The following TMEM154 variants were observed in gnomAD, a reference collection of about 807,000 sequenced individuals.
TMEM154 encodes the protein transmembrane protein 154.
A neutral mutation model predicts 24.5 loss-of-function variants in TMEM154; 27 were observed. The ratio of observed to expected loss-of-function variants is 1.10; its 90% CI spans 0.81 to 1.52. The LOEUF (loss-of-function observed/expected upper bound fraction) is 1.52. Ranked by LOEUF, TMEM154 falls within the 40% of genes most tolerant of loss-of-function variation. The pLI is 0.00. For synonymous variants in TMEM154, 67 were observed against 76.8 expected (o/e 0.87, Z 0.67); for missense variants, 228 against 213.4 (o/e 1.07, Z -0.43).
intron 1 of TMEM154, among the ~76,000 whole-genome samples, chr4:152,672,222 A>G (rs977106729): frequency 4.6e-5 from 7 of 152,030 alleles, no homozygotes; most frequent in Admixed American, 3.3e-4. Context: ...GTGCCACTGT[A>G]CTATACAGCC....
At chr4:152,642,497 A>T (rs1752277837) in intron 5 of TMEM154, among the ~76,000 whole-genome samples, 1 of 152,228 alleles carries the variant, frequency 6.6e-6, no homozygotes, top group Admixed American at 6.5e-5. Context: ...TATCAATTGG[A>T]AATTGTTATA....
At chr4:152,676,130 C>G (rs1362539363) in intron 1 of TMEM154, among the ~76,000 whole-genome samples, 1 of 152,184 alleles carries the variant, frequency 6.6e-6, no homozygotes, top group Non-Finnish European at 1.5e-5. Flanking sequence ...TCCCCAGATT[C>G]TCTTGTGCTC....
At chr4:152,629,897 A>G (rs1445741530) in intron 6 of TMEM154, among the ~76,000 whole-genome samples, 2 of 152,208 alleles carry the variant, frequency 1.3e-5, no homozygotes, top group African/African-American at 2.4e-5. Flanking sequence ...GACATTGTGT[A>G]TAGGTTTGTG....
chr4:152,631,135 C>G (rs1054711858), intron 6 of TMEM154, among the ~76,000 whole-genome samples: 10 of 152,172 alleles, frequency 6.6e-5, no homozygotes, highest in African/African-American at 2.2e-4. Context: ...AAATTATATA[C>G]AATTTTAAAG....
intron 6 of TMEM154, among the ~76,000 whole-genome samples, chr4:152,633,231 G>T (rs947852512): frequency 1.3e-5 from 2 of 152,184 alleles, no homozygotes; most frequent in Non-Finnish European, 2.9e-5. Flanking sequence ...ACAGCTCTGT[G>T]GACCGTGAGC....
At chr4:152,632,161 G>A (rs1347794436) in intron 6 of TMEM154, among the ~76,000 whole-genome samples, 2 of 151,886 alleles carry the variant, frequency 1.3e-5, no homozygotes, top group Non-Finnish European at 2.9e-5. Flanking sequence ...TTTCAAACTC[G>A]TTCCCTCCTT....
At position 152,671,746 on chromosome 4, in the gene TMEM154, CAAAAAAAAAAAAAA is replaced by C. The variant is rs10670541; in HGVS notation, c.64+8110_64+8123del. The stretch of plus-strand genomic sequence containing the variant: ...TGGGCGACAGAGCGAGACTCCGTCT[CAAAAAAAAAAAAAA>C]AAAAAAAAGAAAAGAAAATAGCCTA... On this transcript the variant is annotated intron_variant, in intron 1 of 6. Transcript: ENST00000304385. Among the ~76,000 whole-genome samples, 13 of 66,756 alleles carry C rather than the reference CAAAAAAAAAAAAAA, an allele frequency of 1.9e-4. No homozygotes were observed. In the Admixed American group the frequency reaches 2.6e-3, roughly 13 times the overall value. The allele number at this position is 66,756 out of a possible 152,430, so 43.8% of individuals were successfully genotyped here. A position where few individuals can be genotyped will look rare whatever the true frequency, so the allele number is the denominator to read the frequency against.
intron 1 of TMEM154, among the ~76,000 whole-genome samples, chr4:152,673,647 C>T (rs1027822452): frequency 2.0e-5 from 3 of 152,178 alleles, no homozygotes; most frequent in Non-Finnish European, 2.9e-5. Flanking sequence ...ACTTTTGATA[C>T]ATTTGGCTTG....
At position 152,660,379 on chromosome 4, in the gene TMEM154, C is replaced by CCG. The variant is rs567415345; in HGVS notation, c.65-7453_65-7452insCG. ...CTTCCTTGAGTATCCAGACCCCGCC[C>CCG]CCCCCTCACTTTACTTCTTTTGGTT... On this transcript the variant is annotated intron_variant, in intron 1 of 6. Coordinates refer to ENST00000304385, the MANE Select transcript of TMEM154 (RefSeq NM_152680.3). Among the ~76,000 whole-genome samples, 198 of 151,328 alleles carry CCG rather than the reference C, an allele frequency of 1.3e-3. 1 individual carries two copies. Among genetic ancestry groups the CCG allele is most frequent in the African/African-American group, 4.5e-3 (185 of 40,732 alleles).
At chr4:152,677,071 G>C (rs1728964033) in intron 1 of TMEM154, among the ~76,000 whole-genome samples, 1 of 152,172 alleles carries the variant, frequency 6.6e-6, no homozygotes. Flanking sequence ...ACATCTCCTT[G>C]AGTTTGAACT....
chr4:152,679,738 T>A (rs1729022774), intron 1 of TMEM154, 132 bp downstream of exon 1: 7 of 1,357,284 alleles, frequency 5.2e-6, no homozygotes, highest in Non-Finnish European at 7.2e-6. Context: ...GAGTTCTAAT[T>A]TTCTCCACTT....
intron 6 of TMEM154, among the ~76,000 whole-genome samples, chr4:152,629,316 G>C (rs917962266): frequency 6.6e-6 from 1 of 152,160 alleles, no homozygotes. Flanking sequence ...TCAATAGCCC[G>C]TTTTGTTCAT....
intron 6 of TMEM154, among the ~76,000 whole-genome samples, 171 bp downstream of exon 6, chr4:152,640,757 A>G (rs1209898239): frequency 6.6e-6 from 1 of 152,116 alleles, no homozygotes; most frequent in Non-Finnish European, 1.5e-5. Flanking sequence ...GTGGCCTTCT[A>G]TTTTCTGTAA....
At position 152,627,061 on chromosome 4, in the gene TMEM154, T is replaced by C. The variant is rs768035122; in HGVS notation, c.*1485A>G. 5 of 152,232 alleles carry C rather than the reference T, an allele frequency of 3.3e-5. No homozygotes were observed. Among genetic ancestry groups the C allele is most frequent in the Admixed American group, 2.6e-4 (4 of 15,278 alleles). The allele number at this position is 152,232 out of a possible 1,614,324, so 9.4% of individuals were successfully genotyped here. On this transcript the variant is annotated 3_prime_UTR_variant, in exon 7 of 7. Transcript: ENST00000304385. ...CAGTCCCAGGATAGCGTGATAGCAG[T>C]GGTTAAACACAACCAGCTAGTTATA...
intron 1 of TMEM154, among the ~76,000 whole-genome samples, chr4:152,667,745 C>T (rs949301053): frequency 1.3e-5 from 2 of 152,212 alleles, no homozygotes; most frequent in African/African-American, 4.8e-5. Flanking sequence ...GTGTTTTGTA[C>T]ACTTTTTCTC....
At chr4:152,659,708 T>C (rs1408761010) in intron 1 of TMEM154, among the ~76,000 whole-genome samples, 1 of 152,214 alleles carries the variant, frequency 6.6e-6, no homozygotes, top group Non-Finnish European at 1.5e-5. Context: ...AGTGGCTTTG[T>C]CCTACATTTA....
chr4:152,665,258 A>T (rs1463635640), intron 1 of TMEM154, among the ~76,000 whole-genome samples: 1 of 152,066 alleles, frequency 6.6e-6, no homozygotes, highest in Non-Finnish European at 1.5e-5. Flanking sequence ...GGTCTCAATA[A>T]TTTTTACAGT....
At chr4:152,666,358 T>G (rs1014889911) in intron 1 of TMEM154, 6 of 152,214 alleles carry the variant, frequency 3.9e-5, no homozygotes, top group Admixed American at 3.9e-4. Context: ...GTATGTTAGG[T>G]TGAGAATGAC....
chr4:152,648,065 CA>C (rs1240967941), intron 3 of TMEM154, among the ~76,000 whole-genome samples: 1 of 152,162 alleles, frequency 6.6e-6, no homozygotes, highest in Admixed American at 6.5e-5. Flanking sequence ...GGAAGGGAAA[CA>C]AGTCACCAAC....
Sources: gnomAD v4.1 joint callset for allele counts (sites outside exome capture counted in the v4.1 genomes callset) on GRCh38, gnomAD v4.1.1 for gene constraint, MANE v1.5 for transcripts, NCBI Gene and HGNC (gene_info 2026-07-23, HGNC 2026-07-21) for gene names.